Variants in DLG2 observed in about 807,000 individuals in gnomAD.
DLG2 encodes the protein disks large homolog 2.
In DLG2, 45 loss-of-function variants were observed where a neutral mutation model predicts 132.5. The ratio of observed to expected loss-of-function variants is 0.34; its 90% CI spans 0.27 to 0.44. DLG2 has a LOEUF of 0.44. DLG2 is among the 20% of genes least tolerant of loss of function. The pLI, the probability that DLG2 is intolerant of heterozygous loss-of-function variation, is 1.00. For missense variants in DLG2, 1,045 were observed against 1,196.9 expected (o/e 0.87, Z 1.87); for synonymous variants, 424 against 419.6 (o/e 1.01, Z -0.13).
chr11:84,442,698 A>AT (rs1192073746), intron 7 of DLG2, among the ~76,000 whole-genome samples: 3 of 137,710 alleles, frequency 2.2e-5, no homozygotes, highest in African/African-American at 6.7e-5. Flanking sequence ...CTTAAGTATA[A>AT]TTAAAAAAAA....
intron 3 of DLG2, among the ~76,000 whole-genome samples, chr11:85,306,458 G>C (rs529733416): frequency 2.0e-5 from 3 of 152,336 alleles, no homozygotes; most frequent in South Asian, 2.1e-4. Context: ...TCTTGGCTTA[G>C]AGATTAACTA....
chr11:84,952,286 C>T (rs1798381095), intron 6 of DLG2, among the ~76,000 whole-genome samples: 1 of 152,184 alleles, frequency 6.6e-6, no homozygotes, highest in African/African-American at 2.4e-5. Context: ...TGGCTCACGC[C>T]TGTAATCCCA....
chr11:83,539,916 T>C (rs1426428272), intron 20 of DLG2, among the ~76,000 whole-genome samples: 1 of 152,158 alleles, frequency 6.6e-6, no homozygotes, highest in African/African-American at 2.4e-5. Context: ...AACAAATGAC[T>C]TGATAAGATT....
intron 18 of DLG2, among the ~76,000 whole-genome samples, chr11:83,782,941 C>G (rs925197891): frequency 1.3e-5 from 2 of 152,044 alleles, no homozygotes; most frequent in Admixed American, 6.6e-5. Flanking sequence ...AGCAACTTCA[C>G]TAACTGGGTA....
chr11:84,981,218 A>G (rs1007637398), intron 6 of DLG2, among the ~76,000 whole-genome samples: 2 of 152,240 alleles, frequency 1.3e-5, no homozygotes, highest in Non-Finnish European at 2.9e-5. Context: ...ATTTTTCTCT[A>G]GAATAAATAT....
At chr11:84,731,600 G>C (rs2063159898) in intron 6 of DLG2, among the ~76,000 whole-genome samples, 1 of 151,930 alleles carries the variant, frequency 6.6e-6, no homozygotes, top group Non-Finnish European at 1.5e-5. Flanking sequence ...CAGCAAACAA[G>C]AACATGGGAA....
At chr11:83,563,344 T>G (rs537557704) in intron 19 of DLG2, among the ~76,000 whole-genome samples, 2 of 152,270 alleles carry the variant, frequency 1.3e-5, no homozygotes, top group South Asian at 4.1e-4. Flanking sequence ...ATCATCCCCT[T>G]ACTGAAGTAG....
At chr11:84,896,149 T>C (rs2090157601) in intron 6 of DLG2, among the ~76,000 whole-genome samples, 1 of 152,090 alleles carries the variant, frequency 6.6e-6, no homozygotes, top group African/African-American at 2.4e-5. Flanking sequence ...AATCATTAGC[T>C]TTATATACAT....
chr11:83,630,795 T>C (rs6592133), intron 19 of DLG2, among the ~76,000 whole-genome samples: 7,612 of 152,174 alleles, frequency 0.05, 670 homozygotes, highest in African/African-American at 0.17. Context: ...TCTCCTCAGG[T>C]CTCAGTTTCC....
intron 4 of DLG2, among the ~76,000 whole-genome samples, chr11:85,283,045 T>C (rs577409064): frequency 5.0e-4 from 76 of 151,642 alleles, no homozygotes; most frequent in Non-Finnish European, 8.6e-4. Flanking sequence ...TGAGAATACA[T>C]GGTCACAAAC....
chr11:85,572,923 AT>A (rs1482747396), intron 3 of DLG2, among the ~76,000 whole-genome samples: 1 of 152,226 alleles, frequency 6.6e-6, no homozygotes, highest in East Asian at 1.9e-4. Context: ...GATGGAAGGT[AT>A]TTGGATCATG....
chr11:85,397,339 G>C (rs57744932), intron 3 of DLG2, among the ~76,000 whole-genome samples: 7,233 of 152,208 alleles, frequency 0.048, 224 homozygotes, highest in East Asian at 0.096. Context: ...AAATGGTAAA[G>C]AGCATCAATG....
chr11:83,736,747 A>T (rs549127978), intron 18 of DLG2, among the ~76,000 whole-genome samples: 37 of 152,314 alleles, frequency 2.4e-4, no homozygotes, highest in African/African-American at 7.2e-4. Context: ...AGAAGAAGAA[A>T]AAAAAAGCAT....
At chr11:84,721,546 C>CAA (rs5793137) in intron 6 of DLG2, among the ~76,000 whole-genome samples, 5,959 of 137,324 alleles carry the variant, frequency 0.043, 394 homozygotes, top group African/African-American at 0.14. Context: ...GCAGAAAGAC[C>CAA]AAAAAAAAAA....
At chr11:84,586,576 C>G (rs1472916782) in intron 6 of DLG2, among the ~76,000 whole-genome samples, 2 of 152,002 alleles carry the variant, frequency 1.3e-5, no homozygotes, top group African/African-American at 4.8e-5. Flanking sequence ...CAATTTTTGT[C>G]TTTTAACTGG....
chr11:83,664,477 GA>G (rs1316311634), intron 18 of DLG2, among the ~76,000 whole-genome samples: 5 of 151,698 alleles, frequency 3.3e-5, no homozygotes, highest in African/African-American at 1.2e-4. Context: ...GAAAGAATCT[GA>G]GGGGTGGACA....
At chr11:83,833,125 G>C (rs6592148) in intron 17 of DLG2, among the ~76,000 whole-genome samples, 109,311 of 152,216 alleles carry the variant, frequency 0.72, 40,625 homozygotes, top group African/African-American at 0.91. Context: ...AAGCATCAAG[G>C]ACCTGAACAC....
At chr11:84,869,850 G>A (rs1337382861) in intron 6 of DLG2, among the ~76,000 whole-genome samples, 1 of 152,172 alleles carries the variant, frequency 6.6e-6, no homozygotes, top group African/African-American at 2.4e-5. Flanking sequence ...TGCAATTTGT[G>A]AATTTAAATT....
At chr11:84,252,151 T>TC (rs1168469496) in intron 7 of DLG2, among the ~76,000 whole-genome samples, 5 of 130,546 alleles carry the variant, frequency 3.8e-5, no homozygotes, top group Non-Finnish European at 8.2e-5. Flanking sequence ...TTTTTTTTTT[T>TC]TTTTTTTTTT....
Sources: gnomAD v4.1 joint callset for allele counts (sites outside exome capture counted in the v4.1 genomes callset) on GRCh38, gnomAD v4.1.1 for gene constraint, MANE v1.5 for transcripts, NCBI Gene and HGNC (gene_info 2026-07-23, HGNC 2026-07-21) for gene names.